RUFY3: variants seen among roughly 807,000 people sequenced by gnomAD.
RUFY3 encodes protein RUFY3.
Under a neutral mutation model 84.0 loss-of-function variants are expected in RUFY3, and 34 were observed. The ratio of observed to expected loss-of-function variants is 0.40; its 90% CI spans 0.31 to 0.54. RUFY3 has a LOEUF of 0.54. RUFY3 is among the 20% of genes least tolerant of loss of function. RUFY3 has a pLI of 0.39. For synonymous variants in RUFY3, 242 were observed against 252.9 expected, an observed-to-expected ratio of 0.96 and a Z score of 0.41; for missense variants, 507 against 736.8, an observed-to-expected ratio of 0.69 and a Z score of 3.61.
rs78360575 is a variant in RUFY3 at position 70,714,293 on chromosome 4, A to G, written c.358+8999A>G. Among the ~76,000 whole-genome samples, 887 of 152,306 alleles carry G rather than the reference A, an allele frequency of 5.8e-3. 6 individuals carry two copies. The highest frequency in any genetic ancestry group is 0.02 in the African/African-American group (844 of 41,558). ...TATTCTACTCACTAATGCCCTATTT[A>G]CTAAAAATGAGTAAATTAATGAAAC... On this transcript the variant is annotated intron_variant, in intron 1 of 11. Transcript: ENST00000417478.
At chr4:70,737,237 A>G (rs1486062171) in intron 1 of RUFY3, among the ~76,000 whole-genome samples, 1 of 146,716 alleles carries the variant, frequency 6.8e-6, no homozygotes, top group Admixed American at 6.8e-5. Flanking sequence ...TACTTTCTCT[A>G]CTTTTTTTTT....
At chr4:70,746,608 G>A (rs867270380) in intron 1 of RUFY3, among the ~76,000 whole-genome samples, 2 of 151,700 alleles carry the variant, frequency 1.3e-5, no homozygotes, top group South Asian at 2.1e-4. Context: ...AAATGGTTAC[G>A]TATAAGAACT....
chr4:70,758,559 ATTC>A (rs1724430811), intron 1 of RUFY3, among the ~76,000 whole-genome samples: 1 of 152,172 alleles, frequency 6.6e-6, no homozygotes, highest in Non-Finnish European at 1.5e-5. Context: ...TGAGCAATAT[ATTC>A]TTTTTAAAAT....
intron 12 of RUFY3, 29 bp downstream of exon 12, chr4:70,789,621 CT>C (rs1373429212): frequency 5.0e-6 from 8 of 1,605,776 alleles, no homozygotes; most frequent in Non-Finnish European, 6.0e-6. Flanking sequence ...TAATGAAACA[CT>C]TTGGATTGTC....
At chr4:70,764,339 G>A in intron 3 of RUFY3, 136 bp from the exon 4 acceptor site, 1 of 612,002 alleles carries the variant, frequency 1.6e-6, no homozygotes, top group Non-Finnish European at 2.9e-6. Context: ...GGAATGTACT[G>A]GGAGAGGTCC....
At chr4:70,783,264 T>C in intron 9 of RUFY3, 81 bp downstream of exon 9, 1 of 850,678 alleles carries the variant, frequency 1.2e-6, no homozygotes. Flanking sequence ...TAAAGGACTA[T>C]TTTAAGCAGC....
intron 15 of RUFY3, 63 bp downstream of exon 15, chr4:70,800,268 G>C: frequency 2.3e-6 from 3 of 1,293,256 alleles, no homozygotes; most frequent in Non-Finnish European, 3.3e-6. Flanking sequence ...GAAGGAGGGA[G>C]TTCTTTATAT....
chr4:70,765,998 T>C (rs1334256441), intron 4 of RUFY3, among the ~76,000 whole-genome samples: 3 of 152,032 alleles, frequency 2.0e-5, no homozygotes, highest in African/African-American at 7.2e-5. Context: ...CTTGATCTCG[T>C]GATCCACCCA....
At chr4:70,769,347 A>G (rs1578150562) in intron 5 of RUFY3, among the ~76,000 whole-genome samples, 1 of 152,224 alleles carries the variant, frequency 6.6e-6, no homozygotes, top group East Asian at 1.9e-4. Context: ...AATTTTTTAA[A>G]TAAAAAGTTT....
chr4:70,737,604 C>A (rs1228621482), intron 1 of RUFY3, among the ~76,000 whole-genome samples: 1 of 151,956 alleles, frequency 6.6e-6, no homozygotes, highest in East Asian at 1.9e-4. Flanking sequence ...CCCTCCTTAG[C>A]GTTCTAGTGT....
intron 1 of RUFY3, among the ~76,000 whole-genome samples, chr4:70,712,345 T>C (rs1053764259): frequency 6.6e-6 from 1 of 152,194 alleles, no homozygotes; most frequent in Non-Finnish European, 1.5e-5. Flanking sequence ...TATTCCTCAA[T>C]AGTCAGCCTT....
chr4:70,773,645 TACA>T, intron 6 of RUFY3, 73 bp downstream of exon 6: 1 of 960,954 alleles, frequency 1.0e-6, no homozygotes, highest in Non-Finnish European at 1.7e-6. Flanking sequence ...ACTTAAAGTT[TACA>T]ACAATACTGT....
chr4:70,721,442 T>C (rs1283840653), upstream of RUFY3, among the ~76,000 whole-genome samples: 45 of 152,152 alleles, frequency 3.0e-4, no homozygotes, highest in Non-Finnish European at 1.6e-4. Flanking sequence ...CATTTCTGCC[T>C]AACCTAAAAG....
intron 4 of RUFY3, among the ~76,000 whole-genome samples, chr4:70,766,654 G>A (rs1409148601): frequency 1.3e-5 from 2 of 152,080 alleles, no homozygotes; most frequent in Non-Finnish European, 2.9e-5. Flanking sequence ...CTTCCCCCCT[G>A]TACAACCTCC....
intron 14 of RUFY3, among the ~76,000 whole-genome samples, chr4:70,796,551 A>C (rs1365888169): frequency 6.6e-6 from 1 of 152,230 alleles, no homozygotes; most frequent in East Asian, 1.9e-4. Context: ...CATCAAGTAG[A>C]AAGTTTACTC....
At position 70,775,961 on chromosome 4, in the gene RUFY3, A is replaced by G. The variant is rs56258409; in HGVS notation, c.824+728A>G. ...GTCTTAAACAAAAAAAAAAAAACGA[A>G]AAAAAAGATACATGCTTTGTTTTCC... On this transcript the variant is annotated intron_variant, in intron 7 of 17. Coordinates refer to ENST00000381006, the MANE Select transcript of RUFY3 (RefSeq NM_001037442.4). 9.4e-3 allele frequency among the ~76,000 whole-genome samples: 1,425 copies of G among 151,116 alleles called. 34 individuals are homozygous for G. The highest frequency in any genetic ancestry group is 0.032 in the African/African-American group (1,320 of 40,864).
chr4:70,738,769 T>A (rs1279646003), intron 1 of RUFY3, among the ~76,000 whole-genome samples: 1 of 151,578 alleles, frequency 6.6e-6, no homozygotes, highest in Non-Finnish European at 1.5e-5. Context: ...ATTATTTGTT[T>A]TTATTTTATA....
rs1240098893 is a variant in RUFY3 at position 70,773,692 on chromosome 4, A to G, written c.758+120A>G. 12 of 631,318 alleles carry G rather than the reference A, an allele frequency of 1.9e-5. No homozygotes were observed. In the East Asian group the frequency reaches 3.1e-4, roughly 16 times the overall value. The allele number at this position is 631,318 out of a possible 1,614,324, so 39.1% of individuals were successfully genotyped here. A position where few individuals can be genotyped will look rare whatever the true frequency, so the allele number is the denominator to read the frequency against. ...ACGTGCTGAAAGAATTTCTGATCAT[A>G]TAGCTTTAATAAAGTCTTGCCAGAA... On this transcript the variant is annotated intron_variant, in intron 6 of 17. Coordinates refer to ENST00000381006, the MANE Select transcript of RUFY3 (RefSeq NM_001037442.4).
chr4:70,767,130 G>C (rs1408077615), intron 4 of RUFY3, among the ~76,000 whole-genome samples: 1 of 151,986 alleles, frequency 6.6e-6, no homozygotes, highest in Non-Finnish European at 1.5e-5. Flanking sequence ...TTGTTGCCCA[G>C]GCTGGAGTGC....
Sources: allele counts gnomAD v4.1 joint callset (sites outside exome capture counted in the v4.1 genomes callset), GRCh38; gene constraint gnomAD v4.1.1; transcripts MANE v1.5; gene names NCBI Gene and HGNC (gene_info 2026-07-23, HGNC 2026-07-21).